The following AQP7B variants were observed in gnomAD, a reference collection of about 807,000 sequenced individuals.
AQP7B encodes putative aquaporin-7B.
At chr2:94,603,736 C>T in the AQP7B span, 390 of 1,512,758 alleles carry the variant, frequency 2.6e-4, no homozygotes, top group Non-Finnish European at 3.4e-4. Context: ...GATGCTCCAG[C>T]TGTGTCTCTT....
the AQP7B span, among the ~76,000 whole-genome samples, chr2:94,599,463 C>A: frequency 6.6e-6 from 1 of 152,044 alleles, no homozygotes; most frequent in East Asian, 1.9e-4. Flanking sequence ...TTTAAATCAG[C>A]AAATGGCTTG....
chr2:94,596,611 C>T, the AQP7B span, among the ~76,000 whole-genome samples: 2 of 152,272 alleles, frequency 1.3e-5, no homozygotes, highest in African/African-American at 2.4e-5. Flanking sequence ...TAGAATTAGA[C>T]CTTCGTGGGC....
the AQP7B span, chr2:94,604,370 A>G: frequency 6.2e-7 from 1 of 1,611,462 alleles, no homozygotes; most frequent in African/African-American, 1.3e-5. Flanking sequence ...CCTGGTCTTC[A>G]TTGGCTCCAC....
the AQP7B span, among the ~76,000 whole-genome samples, chr2:94,598,219 TA>T: frequency 2.6e-5 from 4 of 152,168 alleles, no homozygotes; most frequent in African/African-American, 9.7e-5. Flanking sequence ...GGCTTTTTTT[TA>T]AAAATATATA....
the AQP7B span, among the ~76,000 whole-genome samples, chr2:94,599,351 G>A: frequency 6.6e-6 from 1 of 152,002 alleles, no homozygotes; most frequent in Non-Finnish European, 1.5e-5. Flanking sequence ...GCTTCTGAGG[G>A]ACCCAGTGGG....
the AQP7B span, among the ~76,000 whole-genome samples, chr2:94,598,666 G>C: frequency 6.6e-6 from 1 of 152,216 alleles, no homozygotes; most frequent in Non-Finnish European, 1.5e-5. Flanking sequence ...TTTTTCAAGA[G>C]AGACGGAAAC....
chr2:94,602,016 G>GGTGTGT, the AQP7B span, among the ~76,000 whole-genome samples: 49 of 119,750 alleles, frequency 4.1e-4, no homozygotes, highest in East Asian at 0.012. Flanking sequence ...GAATTGCGGC[G>GGTGTGT]GAGTGTGTGT....
the AQP7B span, among the ~76,000 whole-genome samples, chr2:94,598,919 C>T: frequency 6.6e-6 from 1 of 152,206 alleles, no homozygotes; most frequent in Non-Finnish European, 1.5e-5. Context: ...TCTCCTGCCT[C>T]AGCCTCCCGA....
chr2:94,602,142 A>G, the AQP7B span, among the ~76,000 whole-genome samples: 2 of 150,480 alleles, frequency 1.3e-5, no homozygotes, highest in African/African-American at 4.9e-5. Flanking sequence ...AGTGTGAGGG[A>G]CTCTGAGGGG....
chr2:94,587,352 C>T, the AQP7B span, among the ~76,000 whole-genome samples: 4 of 152,276 alleles, frequency 2.6e-5, no homozygotes, highest in East Asian at 5.8e-4. Context: ...GATCAAGATG[C>T]GCTTTAACTG....
At chr2:94,601,198 G>A in the AQP7B span, among the ~76,000 whole-genome samples, 2 of 152,230 alleles carry the variant, frequency 1.3e-5, no homozygotes, top group East Asian at 1.9e-4. Flanking sequence ...CCTTGGACAA[G>A]CCATTCAAGT....
chr2:94,588,469 C>T, the AQP7B span: 4 of 621,394 alleles, frequency 6.4e-6, no homozygotes, highest in Non-Finnish European at 1.2e-5. Flanking sequence ...TGTCCTCCAG[C>T]CCTAGTGACC....
chr2:94,594,743 G>A, the AQP7B span: 1 of 1,565,412 alleles, frequency 6.4e-7, no homozygotes, highest in South Asian at 1.1e-5. Context: ...CACTGTCTCA[G>A]GTCCACCCGT....
At chr2:94,589,777 C>G in the AQP7B span, among the ~76,000 whole-genome samples, 3 of 151,954 alleles carry the variant, frequency 2.0e-5, no homozygotes, top group Non-Finnish European at 2.9e-5. Flanking sequence ...CCTCCTCCGC[C>G]CCCCACAAGT....
At chr2:94,594,743 G>C in the AQP7B span, 5 of 1,565,412 alleles carry the variant, frequency 3.2e-6, no homozygotes, top group East Asian at 1.1e-4. Flanking sequence ...CACTGTCTCA[G>C]GTCCACCCGT....
the AQP7B span, chr2:94,594,842 T>C: frequency 4.0e-3 from 6,238 of 1,553,416 alleles, 28 homozygotes; most frequent in Non-Finnish European, 4.8e-3. Context: ...CGAGAGTTCT[T>C]GGCCGAGTTC....
chr2:94,603,869 C>A, the AQP7B span: 1 of 1,396,716 alleles, frequency 7.2e-7, no homozygotes, highest in Non-Finnish European at 1.0e-6. Flanking sequence ...ATCAATCCAT[C>A]CCGGGACCCG....
the AQP7B span, chr2:94,594,768 C>T: frequency 1.2e-5 from 19 of 1,581,252 alleles, no homozygotes; most frequent in Admixed American, 1.8e-4. Context: ...CCAAAATGGT[C>T]TCCTGGTCCG....
At chr2:94,595,615 G>A in the AQP7B span, among the ~76,000 whole-genome samples, 1 of 152,048 alleles carries the variant, frequency 6.6e-6, no homozygotes, top group Non-Finnish European at 1.5e-5. Flanking sequence ...AGCAGGACAG[G>A]CAAGGCTGGC....
Sources: gnomAD v4.1 joint callset for allele counts (sites outside exome capture counted in the v4.1 genomes callset) on GRCh38, gnomAD v4.1.1 for gene constraint, MANE v1.5 for transcripts, NCBI Gene and HGNC (gene_info 2026-07-23, HGNC 2026-07-21) for gene names.